Variants in RGS9 observed in about 807,000 individuals in gnomAD.
RGS9 encodes the protein regulator of G protein signaling 9.
Under a neutral mutation model 102.0 loss-of-function variants are expected in RGS9, and 78 were observed. That is an observed-to-expected ratio of 0.76 (90% confidence interval 0.64 to 0.92). The LOEUF (loss-of-function observed/expected upper bound fraction) is 0.92, where lower values mean the gene tolerates loss of function less well. Ranked by LOEUF, RGS9 falls within the 40% of genes least tolerant of loss-of-function variation. The pLI is 0.00. For synonymous variants in RGS9, 353 were observed against 318.6 expected, an observed-to-expected ratio of 1.11 and a Z score of -1.15; for missense variants, 833 against 866.1, an observed-to-expected ratio of 0.96 and a Z score of 0.48.
chr17:65,163,654 G>C (rs1022737781), intron 7 of RGS9, among the ~76,000 whole-genome samples: 1 of 152,146 alleles, frequency 6.6e-6, no homozygotes, highest in Non-Finnish European at 1.5e-5. Flanking sequence ...TTTTCAGAAG[G>C]AATCGTAGAA....
intron 1 of RGS9, among the ~76,000 whole-genome samples, chr17:65,151,963 C>T (rs1266679732): frequency 1.3e-5 from 2 of 152,182 alleles, no homozygotes; most frequent in East Asian, 1.9e-4. Context: ...CAGAAAAAGA[C>T]CCCCAGGAAG....
Position 65,160,109 on chromosome 17 carries a change from C to T in RGS9, c.206-124C>T. 1.4e-5 allele frequency: 11 copies of T among 801,464 alleles called. 1 individual carries two copies. Among genetic ancestry groups the T allele is most frequent in the South Asian group, 1.4e-4 (10 of 73,718 alleles). The allele number at this position is 801,464 out of a possible 1,614,324, so 49.6% of individuals were successfully genotyped here. A position where few individuals can be genotyped will look rare whatever the true frequency, so the allele number is the denominator to read the frequency against. On this transcript the variant is annotated intron_variant, in intron 3 of 18. Transcript: ENST00000262406. ...AGTTCAGCAACCAGTGTCCTCACTG[C>T]TCATGAGATGCAGTGCTGTTAGGAA... is the stretch of plus-strand genomic sequence containing the variant.
chr17:65,188,494 C>A (rs1912222433), intron 9 of RGS9, among the ~76,000 whole-genome samples: 1 of 152,148 alleles, frequency 6.6e-6, no homozygotes, highest in Non-Finnish European at 1.5e-5. Flanking sequence ...TATTATTGGT[C>A]AAATTGTTAT....
At chr17:65,176,331 A>G (rs571873417) in intron 8 of RGS9, among the ~76,000 whole-genome samples, 4 of 152,354 alleles carry the variant, frequency 2.6e-5, no homozygotes, top group African/African-American at 9.6e-5. Context: ...GCTCAGCAAT[A>G]GCTACCTTCT....
intron 7 of RGS9, among the ~76,000 whole-genome samples, chr17:65,167,619 G>A (rs536145052): frequency 6.6e-6 from 1 of 152,236 alleles, no homozygotes; most frequent in East Asian, 1.9e-4. Flanking sequence ...CCCCAGGCCA[G>A]CATCTTCCTT....
rs34797451 is a variant in RGS9 at position 65,225,096 on chromosome 17, G to A, written c.1502G>A (p.Arg501His). The A allele has an allele frequency of 0.017, 27,358 of 1,613,616 alleles. 292 individuals carry two copies. The highest frequency in any genetic ancestry group is 0.021 in the Non-Finnish European group (25,132 of 1,179,914). Residue 501 changes from arginine to histidine, a missense_variant, in exon 18 of 19, where the codon CGC becomes CAC. Around this residue, in one of 3 missense-constraint regions of RGS9, gnomAD observed 320 missense variants for 276.8 expected, o/e 1.16. Transcript: ENST00000262406. ...TCTAGCCCCTTCTCCTCCTCCTGCC[G>A]CTCCCCCAGGAAGCCTTTCGCCTCA... ...SPSSPFSSSC[R>H]SPRKPFASPS...
intron 18 of RGS9, among the ~76,000 whole-genome samples, chr17:65,225,934 C>A (rs1905651686): frequency 1.3e-5 from 2 of 152,160 alleles, no homozygotes; most frequent in African/African-American, 4.8e-5. Flanking sequence ...CCTTCCCCCA[C>A]CCTAAGGAAA....
At chr17:65,206,936 G>A (rs985287197) in intron 15 of RGS9, among the ~76,000 whole-genome samples, 17 of 152,120 alleles carry the variant, frequency 1.1e-4, no homozygotes, top group African/African-American at 3.9e-4. Flanking sequence ...CTCCCACTTA[G>A]TCTTTAGAAT....
intron 12 of RGS9, among the ~76,000 whole-genome samples, chr17:65,194,803 C>T (rs1363703923): frequency 6.6e-6 from 1 of 152,086 alleles, no homozygotes; most frequent in Non-Finnish European, 1.5e-5. Context: ...GGAAGGAGTG[C>T]CAGGTATAGG....
intron 13 of RGS9, among the ~76,000 whole-genome samples, chr17:65,199,936 G>A (rs8075956): frequency 0.2 from 30,650 of 152,134 alleles, 5,218 homozygotes; most frequent in African/African-American, 0.44. Context: ...CTTTTTAGCT[G>A]TTATGAATAA....
chr17:65,149,317 T>C (rs1278310720), intron 1 of RGS9, among the ~76,000 whole-genome samples: 3 of 152,168 alleles, frequency 2.0e-5, no homozygotes, highest in African/African-American at 4.8e-5. Context: ...TGAGTCCTAG[T>C]GAAATTTAGC....
At chr17:65,177,654 G>C in intron 8 of RGS9, 78 bp from the exon 9 acceptor site, 1 of 1,393,704 alleles carries the variant, frequency 7.2e-7, no homozygotes, top group Non-Finnish European at 1.0e-6. Flanking sequence ...ACAATTGGCA[G>C]ATTAACCAAG....
At chr17:65,163,394 A>G (rs1438319681) in intron 7 of RGS9, among the ~76,000 whole-genome samples, 1 of 151,776 alleles carries the variant, frequency 6.6e-6, no homozygotes, top group Non-Finnish European at 1.5e-5. Context: ...GGGTTTCACC[A>G]TGTTGGCCAG....
chr17:65,157,418 G>A (rs1170666645), intron 2 of RGS9, among the ~76,000 whole-genome samples: 2 of 151,836 alleles, frequency 1.3e-5, no homozygotes, highest in Admixed American at 6.6e-5. Context: ...GGGGTCGTAC[G>A]GCAGCTCTGG....
At chr17:65,166,082 C>T (rs997498557) in intron 7 of RGS9, among the ~76,000 whole-genome samples, 1 of 152,172 alleles carries the variant, frequency 6.6e-6, no homozygotes, top group Non-Finnish European at 1.5e-5. Flanking sequence ...TGAGCTACCT[C>T]ACAGCATGGC....
At chr17:65,222,048 A>G (rs1913721711) in intron 17 of RGS9, among the ~76,000 whole-genome samples, 1 of 152,226 alleles carries the variant, frequency 6.6e-6, no homozygotes, top group Non-Finnish European at 1.5e-5. Flanking sequence ...TCTCATCTGG[A>G]TGCTTCTAAG....
intron 8 of RGS9, among the ~76,000 whole-genome samples, chr17:65,176,776 T>C (rs1452062085): frequency 2.1e-5 from 3 of 140,280 alleles, no homozygotes; most frequent in Admixed American, 1.4e-4. Context: ...TCCGTCTATC[T>C]CTTCACCTAT....
Position 65,153,472 on chromosome 17 carries a change from G to A in RGS9, c.108G>A (p.Met36Ile). Residue 36 changes from methionine (M) to isoleucine (I), a missense_variant, in exon 2 of 19, where the codon ATG becomes ATA. Met to Ile is a conservative substitution (Grantham distance 10). This residue lies in a region of RGS9 where 328 missense variants were observed against 340.6 expected (regional missense o/e 0.96). Transcript: ENST00000262406. ...DMQNPETGVR[M>I]QNQRVLVTSV... ...AGAACCCAGAGACAGGGGTCCGAAT[G>A]CAGAACCAGAGGGTCCTGGTCACCA... The A allele has an allele frequency of 6.2e-7, 1 of 1,614,208 alleles. No homozygotes were observed. Among genetic ancestry groups the A allele is most frequent in the Non-Finnish European group, 8.5e-7 (1 of 1,180,020 alleles).
intron 11 of RGS9, among the ~76,000 whole-genome samples, chr17:65,191,338 ACAT>A (rs1431818003): frequency 6.6e-6 from 1 of 151,506 alleles, no homozygotes; most frequent in Non-Finnish European, 1.5e-5. Flanking sequence ...CGTAATTTTG[ACAT>A]CATTAGTGTT....
Sources: gnomAD v4.1 joint callset for allele counts (sites outside exome capture counted in the v4.1 genomes callset) on GRCh38, gnomAD v4.1.1 for gene constraint, gnomAD v4.1.1 regional missense constraint, MANE v1.5 for transcripts, NCBI Gene and HGNC (gene_info 2026-07-23, HGNC 2026-07-21) for gene names.